The following RASSF9 variants were observed in gnomAD, a reference collection of about 807,000 sequenced individuals.
RASSF9 encodes Ras association domain family member 9.
A neutral mutation model predicts 21.4 loss-of-function variants in RASSF9; 18 were observed. The observed-to-expected ratio is 0.84, with a 90% CI of 0.58 to 1.25. RASSF9 has a LOEUF of 1.25. Among genes scored for constraint, RASSF9 ranks in the 50% most tolerant of loss-of-function variants. The probability of loss-of-function intolerance (pLI) is 0.00; values close to 1 mark genes in which losing one functional copy is unlikely to be tolerated. For synonymous variants in RASSF9, 183 were observed against 179.1 expected (o/e 1.02, Z -0.18); for missense variants, 480 against 503.2 (o/e 0.95, Z 0.44).
intron 1 of RASSF9, among the ~76,000 whole-genome samples, chr12:85,830,952 C>T (rs1276896295): frequency 2.0e-5 from 3 of 152,046 alleles, no homozygotes; most frequent in Non-Finnish European, 2.9e-5. Context: ...GTTTGGATGT[C>T]AAGAAATTAA....
chr12:85,823,796 C>T (rs1054876500), intron 1 of RASSF9, among the ~76,000 whole-genome samples: 1 of 152,188 alleles, frequency 6.6e-6, no homozygotes, highest in East Asian at 1.9e-4. Flanking sequence ...ACTGAGCCCT[C>T]AGCCAATCAG....
intron 1 of RASSF9, among the ~76,000 whole-genome samples, chr12:85,809,643 T>C (rs867232401): frequency 1.3e-5 from 2 of 151,254 alleles, no homozygotes; most frequent in South Asian, 2.1e-4. Context: ...GAGCATATAT[T>C]CATTTTTAAT....
intron 1 of RASSF9, among the ~76,000 whole-genome samples, chr12:85,815,622 A>G (rs1362004348): frequency 6.6e-6 from 1 of 152,080 alleles, no homozygotes; most frequent in African/African-American, 2.4e-5. Flanking sequence ...GGTTTTTTTA[A>G]TAATAGCCAT....
In RASSF9 at chr12:85,836,338, A is replaced by G. The variant is rs1880564153; in HGVS notation, c.-137T>C. 7 of 1,494,574 alleles carry G rather than the reference A, an allele frequency of 4.7e-6. No individual in the cohort carries two copies. The highest frequency in any genetic ancestry group is 2.4e-4 in the Middle Eastern group (1 of 4,200). The allele number at this position is 1,494,574 out of a possible 1,614,324, so 92.6% of individuals were successfully genotyped here. ...CTCGGATGTTCCTGGCTTTCAGCTC[A>G]TTAGTAGCCGGCTGAGAAAGTTGCT... On this transcript the variant is annotated 5_prime_UTR_variant, in exon 1 of 2. The change abolishes an upstream ATG in the 5' untranslated region. Coordinates refer to ENST00000361228, the MANE Select transcript of RASSF9 (RefSeq NM_005447.4).
intron 1 of RASSF9, among the ~76,000 whole-genome samples, chr12:85,807,933 C>T (rs143258706): frequency 2.0e-3 from 299 of 152,202 alleles, no homozygotes; most frequent in African/African-American, 6.6e-3. Context: ...AGTTATGCTA[C>T]AATGTGATTT....
chr12:85,809,735 T>G (rs1340400764), intron 1 of RASSF9, among the ~76,000 whole-genome samples: 1 of 151,686 alleles, frequency 6.6e-6, no homozygotes, highest in African/African-American at 2.4e-5. Context: ...TCCCCAATAC[T>G]CCCATGACCC....
At chr12:85,815,598 C>A (rs540982079) in intron 1 of RASSF9, among the ~76,000 whole-genome samples, 1 of 152,172 alleles carries the variant, frequency 6.6e-6, no homozygotes, top group South Asian at 2.1e-4. Context: ...ACCTTGCCAG[C>A]ATCTGTTATT....
intron 1 of RASSF9, among the ~76,000 whole-genome samples, chr12:85,809,739 A>G (rs548330372): frequency 7.9e-5 from 12 of 151,916 alleles, no homozygotes; most frequent in Admixed American, 2.0e-4. Context: ...CAATACTCCC[A>G]TGACCCCTAT....
In RASSF9 at chr12:85,803,197, G is replaced by A. The variant is rs938109531; in HGVS notation, c.*1505C>T. 6.6e-6 allele frequency: 1 copy of A among 151,942 alleles called. No individual in the cohort carries two copies. The highest frequency in any genetic ancestry group is 1.5e-5 in the Non-Finnish European group (1 of 67,954). 9.4% of individuals were successfully genotyped at this position (151,942 alleles called of 1,614,324 possible). On this transcript the variant is annotated 3_prime_UTR_variant, in exon 2 of 2. Coordinates refer to ENST00000361228, the MANE Select transcript of RASSF9 (RefSeq NM_005447.4). The stretch of plus-strand genomic sequence containing the variant: ...AAAAATTAAATACTTTTCAAATTTT[G>A]AAAGTAAAACAATAAGAAAACTGAG...
intron 1 of RASSF9, among the ~76,000 whole-genome samples, chr12:85,826,873 T>A (rs1402697750): frequency 2.6e-5 from 4 of 152,202 alleles, no homozygotes; most frequent in Admixed American, 6.5e-5. Context: ...AAATTAAATT[T>A]AAAAAATAAA....
intron 1 of RASSF9, among the ~76,000 whole-genome samples, chr12:85,820,310 T>C (rs2136558217): frequency 6.6e-6 from 1 of 152,334 alleles, no homozygotes; most frequent in East Asian, 1.9e-4. Flanking sequence ...AGTGATCTTA[T>C]GGTTCACAAA....
chr12:85,826,943 C>T (rs1880347398), intron 1 of RASSF9, among the ~76,000 whole-genome samples: 2 of 152,076 alleles, frequency 1.3e-5, no homozygotes, highest in Non-Finnish European at 2.9e-5. Context: ...TTTTACATTT[C>T]TTCCTCTTTC....
intron 1 of RASSF9, among the ~76,000 whole-genome samples, chr12:85,806,955 A>T (rs908565506): frequency 1.3e-5 from 2 of 152,166 alleles, no homozygotes; most frequent in Non-Finnish European, 2.9e-5. Context: ...GATACTAAGG[A>T]TATAGTAATA....
intron 1 of RASSF9, among the ~76,000 whole-genome samples, chr12:85,822,943 G>C (rs1459571676): frequency 1.3e-5 from 2 of 152,130 alleles, no homozygotes; most frequent in Non-Finnish European, 1.5e-5. Flanking sequence ...GCTCACGCCT[G>C]TAATCCCAGC....
chr12:85,836,403 T>C lies in RASSF9; in HGVS notation c.-202A>G. 1.7e-6 allele frequency: 2 copies of C among 1,199,334 alleles called. No homozygotes were observed. The highest frequency in any genetic ancestry group is 3.2e-5 in the South Asian group (2 of 63,306). 74.3% of individuals were successfully genotyped at this position (1,199,334 alleles called of 1,614,324 possible). The stretch of plus-strand genomic sequence containing the variant: ...TGCTGCTTAACTTTGAACTGCGGGA[T>C]TGTTGTGGCTGCTGCACCTCTGGAG... On this transcript the variant is annotated 5_prime_UTR_variant, in exon 1 of 2. Transcript: ENST00000361228.
At position 85,815,355 on chromosome 12, in the gene RASSF9, C is replaced by G. The variant is rs186867226; in HGVS notation, c.48-9393G>C. ...ATATGGTCACAAAGTCACCATTATT[C>G]ATGTGAATTGGTGACATGCATTATT... On this transcript the variant is annotated intron_variant, in intron 1 of 1. Transcript: ENST00000361228. 6.0e-4 allele frequency among the ~76,000 whole-genome samples: 91 copies of G among 152,170 alleles called. 2 individuals are homozygous for G. Among genetic ancestry groups the G allele is most frequent in the Admixed American group, 6.5e-4 (10 of 15,274 alleles).
chr12:85,804,869 T>A lies in RASSF9; in HGVS notation c.1141A>T (p.Arg381Ter). 3.7e-6 allele frequency: 6 copies of A among 1,613,774 alleles called. No homozygotes were observed. Among genetic ancestry groups the A allele is most frequent in the Non-Finnish European group, 5.1e-6 (6 of 1,179,652 alleles). The part of the protein sequence containing the change: ...NKDGCQLKEN[R>*]AKESEVPSSN... ...CTGGGAACCTCAGATTCCTTCGCTC[T>A]GTTTTCCTTTAACTGGCACCCATCT... The change falls in exon 2 of 2, where the codon AGA (arginine) becomes TGA (stop). Residue 381 changes from arginine to a stop codon, truncating the protein, a stop_gained. Transcript: ENST00000361228. LOFTEE classifies it low-confidence loss of function (END_TRUNC).
Position 85,805,635 on chromosome 12 carries a change from C to T in RASSF9, c.375G>A (p.Leu125=), listed in dbSNP as rs1190603630. The T allele has an allele frequency of 6.2e-7, 1 of 1,613,970 alleles. No individual in the cohort carries two copies. The highest frequency in any genetic ancestry group is 8.5e-7 in the Non-Finnish European group (1 of 1,179,892). Residue 125 remains leucine (L), a synonymous_variant, in exon 2 of 2, where the codon TTG becomes TTA. Transcript: ENST00000361228. Reference sequence around the variant, plus strand: ...CTAATTTGGCTTCAGCTGTCCGCCACAAAGGAACTGGAAGAAAAGCATCTG... The same window carrying T: ...CTAATTTGGCTTCAGCTGTCCGCCATAAAGGAACTGGAAGAAAAGCATCTG... ...VKADAFLPVP[L]WRTAEAKLVQ...
rs146314307 is a variant in RASSF9, at chr12:85,832,803, T to C, written c.47+3352A>G. Reference sequence around the variant, plus strand: ...ATCTTTGGAATTCAGTCATAGAATATTCTGTTTTTCTGGAATCAAAATAAA... The same window carrying C: ...ATCTTTGGAATTCAGTCATAGAATACTCTGTTTTTCTGGAATCAAAATAAA... On this transcript the variant is annotated intron_variant, in intron 1 of 1. Coordinates refer to ENST00000361228, the MANE Select transcript of RASSF9 (RefSeq NM_005447.4). Among the ~76,000 whole-genome samples, 898 of 152,014 alleles carry C rather than the reference T, an allele frequency of 5.9e-3. 4 individuals are homozygous for C. Among genetic ancestry groups the C allele is most frequent in the African/African-American group, 0.021 (855 of 41,544 alleles).
Sources: gnomAD v4.1 joint callset for allele counts (sites outside exome capture counted in the v4.1 genomes callset) on GRCh38, gnomAD v4.1.1 for gene constraint, MANE v1.5 for transcripts, NCBI Gene and HGNC (gene_info 2026-07-23, HGNC 2026-07-21) for gene names.